The following ACOXL variants were observed in gnomAD, a reference collection of about 807,000 sequenced individuals.
The protein encoded by ACOXL is acyl-coenzyme A oxidase-like protein.
A neutral mutation model predicts 71.9 loss-of-function variants in ACOXL; 70 were observed. The observed-to-expected ratio is 0.97, with a 90% CI of 0.80 to 1.19. ACOXL has a LOEUF of 1.19. Ranked by LOEUF, ACOXL falls within the 50% of genes most tolerant of loss-of-function variation. The pLI, the probability that ACOXL is intolerant of heterozygous loss-of-function variation, is 0.00. For missense variants in ACOXL, 703 were observed against 736.3 expected (o/e 0.95, Z 0.52); for synonymous variants, 253 against 281.6 (o/e 0.90, Z 1.02).
intron 17 of ACOXL, among the ~76,000 whole-genome samples, chr2:111,097,009 C>G (rs1414801488): frequency 6.6e-6 from 1 of 152,106 alleles, no homozygotes; most frequent in Non-Finnish European, 1.5e-5. Flanking sequence ...CTATTATTAC[C>G]TCCTGTCACC....
chr2:110,997,999 C>T (rs1018553828), intron 14 of ACOXL, among the ~76,000 whole-genome samples: 66 of 152,040 alleles, frequency 4.3e-4, no homozygotes, highest in African/African-American at 1.6e-3. Flanking sequence ...TGCAGTGAGC[C>T]AAGATCACAC....
Position 110,985,646 on chromosome 2 carries a change from C to T in ACOXL, c.1060-1462C>T, listed in dbSNP as rs192397240. On this transcript the variant is annotated intron_variant, in intron 12 of 17. Coordinates refer to ENST00000439055, the MANE Select transcript of ACOXL (RefSeq NM_001142807.4). ...CATGGGGATGGGAAAGGAGAGGCGG[C>T]GGTGTCACTTGTGTACTGGCCTAAA... 3.0e-3 allele frequency among the ~76,000 whole-genome samples: 452 copies of T among 152,236 alleles called. 3 individuals carry two copies. The highest frequency in any genetic ancestry group is 3.9e-3 in the Non-Finnish European group (268 of 68,028).
At chr2:110,759,262 T>C (rs867579171) in intron 1 of ACOXL, among the ~76,000 whole-genome samples, 1 of 152,206 alleles carries the variant, frequency 6.6e-6, no homozygotes, top group Admixed American at 6.5e-5. Context: ...ATTTGTCTAC[T>C]ATTGTCAGTG....
At chr2:110,830,957 G>C (rs1689759934) in intron 9 of ACOXL, among the ~76,000 whole-genome samples, 2 of 152,182 alleles carry the variant, frequency 1.3e-5, no homozygotes. Flanking sequence ...AAAACTCTCA[G>C]ATAAATAGGA....
chr2:110,976,572 A>G (rs2062455362), intron 12 of ACOXL, among the ~76,000 whole-genome samples: 1 of 152,250 alleles, frequency 6.6e-6, no homozygotes, highest in African/African-American at 2.4e-5. Context: ...GCAGGAAAGC[A>G]TTCAAGAAAT....
In ACOXL at chr2:110,908,868, C is replaced by T; in HGVS notation, c.868C>T (p.His290Tyr). ...AACACAGACCCTGCGGCTGATGCCC[C>T]ACCTGGCCACAGCCTTGGCCCTGAC... ...HQTQTLRLMP[H>Y]LATALALTFV... Residue 290 changes from histidine (H) to tyrosine (Y), a missense_variant, in exon 11 of 18, where the codon CAC becomes TAC. Coordinates refer to ENST00000439055, the MANE Select transcript of ACOXL (RefSeq NM_001142807.4). 6.2e-7 allele frequency: 1 copy of T among 1,614,008 alleles called. No individual in the cohort carries two copies. Among genetic ancestry groups the T allele is most frequent in the African/African-American group, 1.3e-5 (1 of 75,036 alleles).
chr2:111,091,769 A>G (rs941664311), intron 16 of ACOXL, among the ~76,000 whole-genome samples: 1 of 152,198 alleles, frequency 6.6e-6, no homozygotes, highest in African/African-American at 2.4e-5. Flanking sequence ...TTCATAAATA[A>G]GCTGCTCAGC....
chr2:110,792,975 T>A (rs73956457), intron 3 of ACOXL, among the ~76,000 whole-genome samples: 1,861 of 152,276 alleles, frequency 0.012, 44 homozygotes, highest in African/African-American at 0.043. Context: ...CCTCTATGAA[T>A]CCCAATTTCC....
At chr2:111,026,143 C>T (rs1391611569) in intron 14 of ACOXL, among the ~76,000 whole-genome samples, 4 of 152,184 alleles carry the variant, frequency 2.6e-5, no homozygotes, top group African/African-American at 7.2e-5. Flanking sequence ...ACCCCAATAC[C>T]GTACTGTTGC....
chr2:110,995,464 C>T (rs2063347894), intron 13 of ACOXL, among the ~76,000 whole-genome samples: 1 of 131,640 alleles, frequency 7.6e-6, no homozygotes, highest in African/African-American at 3.0e-5. Flanking sequence ...CGTGCCACTG[C>T]ACTCCAGCCT....
chr2:111,107,221 C>T (rs532311145), intron 17 of ACOXL, among the ~76,000 whole-genome samples: 1 of 152,058 alleles, frequency 6.6e-6, no homozygotes, highest in African/African-American at 2.4e-5. Flanking sequence ...TTCCAGGTTG[C>T]CAGCTTTTTT....
intron 13 of ACOXL, among the ~76,000 whole-genome samples, chr2:110,992,883 T>C (rs1474092071): frequency 1.3e-5 from 2 of 152,220 alleles, no homozygotes; most frequent in African/African-American, 4.8e-5. Context: ...AACGTGTTTT[T>C]CTACATTATG....
In ACOXL at chr2:110,801,848, G is replaced by C. The variant is rs1373759752; in HGVS notation, c.620+124G>C. The C allele has an allele frequency of 1.4e-5, 10 of 738,022 alleles. No homozygotes were observed. In the East Asian group the frequency reaches 2.3e-4, roughly 17 times the overall value. 45.7% of individuals were successfully genotyped at this position (738,022 alleles called of 1,614,324 possible). On this transcript the variant is annotated intron_variant, in intron 8 of 17. Transcript: ENST00000439055. ...CATTCTTCCCCTAACCACCCGTACA[G>C]GTTTGTTGACAACTAATTGGAAAAG...
At chr2:110,956,671 A>G (rs540771255) in intron 12 of ACOXL, among the ~76,000 whole-genome samples, 1 of 152,292 alleles carries the variant, frequency 6.6e-6, no homozygotes, top group African/African-American at 2.4e-5. Flanking sequence ...CTGTATTTTT[A>G]ACTGGCCTCC....
chr2:111,102,181 T>C (rs952547157), intron 17 of ACOXL: 4 of 152,464 alleles, frequency 2.6e-5, no homozygotes, highest in African/African-American at 9.6e-5. Context: ...TGACCTTGCA[T>C]GCTCCTCAGT....
At chr2:110,786,759 G>A (rs1171089277) in intron 3 of ACOXL, among the ~76,000 whole-genome samples, 1 of 152,216 alleles carries the variant, frequency 6.6e-6, no homozygotes, top group African/African-American at 2.4e-5. Context: ...GGAAGGGGCA[G>A]CCTGTAGCAT....
chr2:110,819,158 A>T (rs187844132), intron 9 of ACOXL, among the ~76,000 whole-genome samples: 14 of 152,230 alleles, frequency 9.2e-5, no homozygotes, highest in Admixed American at 4.6e-4. Context: ...TGGGGAGGAG[A>T]GGCATAATAG....
Position 111,117,763 on chromosome 2 carries a change from C to T in ACOXL, c.1690C>T (p.Arg564Trp). The T allele has an allele frequency of 1.9e-6, 3 of 1,551,408 alleles. No individual in the cohort carries two copies. The South Asian group carries it at 3.6e-5, about 18-fold the overall frequency. Residue 564 changes from arginine (R) to tryptophan (W), a missense_variant, in exon 18 of 18, where the codon CGG (arginine) becomes TGG (tryptophan). Coordinates refer to ENST00000439055, the MANE Select transcript of ACOXL (RefSeq NM_001142807.4). ...WAFYPAPLQP[R>W]PREEARSRRP... ...TTTCTACCCTGCACCGCTGCAGCCG[C>T]GGCCACGGGAAGAGGCGCGCTCCCG...
chr2:110,866,328 G>A (rs1694581947), intron 10 of ACOXL, among the ~76,000 whole-genome samples: 1 of 152,144 alleles, frequency 6.6e-6, no homozygotes, highest in Admixed American at 6.5e-5. Flanking sequence ...ACTGACACCT[G>A]CTCTCAAAGG....
Sources: gnomAD v4.1 joint callset for allele counts (sites outside exome capture counted in the v4.1 genomes callset) on GRCh38, gnomAD v4.1.1 for gene constraint, MANE v1.5 for transcripts, NCBI Gene and HGNC (gene_info 2026-07-23, HGNC 2026-07-21) for gene names.